FMO5: variants seen among roughly 807,000 people sequenced by gnomAD.
FMO5 encodes the protein flavin containing dimethylaniline monoxygenase 5, also known as flavin-containing monooxygenase 5.
Under a neutral mutation model 43.6 loss-of-function variants are expected in FMO5, and 51 were observed. The observed-to-expected ratio is 1.17, with a 90% CI of 0.93 to 1.48. The LOEUF (loss-of-function observed/expected upper bound fraction) is 1.48, where lower values mean the gene tolerates loss of function less well. Among genes scored for constraint, FMO5 ranks in the 40% most tolerant of loss-of-function variants. The probability of loss-of-function intolerance (pLI) is 0.00; values close to 1 mark genes in which losing one functional copy is unlikely to be tolerated. For missense variants in FMO5, 644 were observed against 643.0 expected, an observed-to-expected ratio of 1.00 and a Z score of -0.02; for synonymous variants, 187 against 216.5, an observed-to-expected ratio of 0.86 and a Z score of 1.20.
At chr1:147,220,182 T>C (rs1662767302) in intron 2 of FMO5, among the ~76,000 whole-genome samples, 1 of 152,172 alleles carries the variant, frequency 6.6e-6, no homozygotes, top group Admixed American at 6.5e-5. Flanking sequence ...AATTTGAAAT[T>C]TTAAAAACTC....
chr1:147,222,072 T>C (rs1285494911), intron 2 of FMO5, among the ~76,000 whole-genome samples: 1 of 152,174 alleles, frequency 6.6e-6, no homozygotes, highest in African/African-American at 2.4e-5. Context: ...GCAGGAAGTC[T>C]GTGTAAGAAA....
intron 6 of FMO5, 196 bp downstream of exon 6, chr1:147,208,656 C>G (rs1660540434): frequency 2.1e-6 from 1 of 473,324 alleles, no homozygotes; most frequent in Non-Finnish European, 3.9e-6. Context: ...CCAGGATGGT[C>G]TCAAACTCCT....
chr1:147,191,534 T>A (rs1656814022), intron 7 of FMO5, among the ~76,000 whole-genome samples: 1 of 143,888 alleles, frequency 6.9e-6, no homozygotes, highest in African/African-American at 2.5e-5. Flanking sequence ...TGGGGTTGTT[T>A]GTTTTTTTCT....
At chr1:147,204,533 T>C in intron 6 of FMO5, 3 of 1,574,930 alleles carry the variant, frequency 1.9e-6, no homozygotes, top group East Asian at 2.2e-5. Flanking sequence ...CTGCAAGCTA[T>C]TTCATAACCT....
At chr1:147,193,811 G>A (rs142542749) in intron 7 of FMO5, among the ~76,000 whole-genome samples, 5,614 of 152,218 alleles carry the variant, frequency 0.037, 155 homozygotes, top group South Asian at 0.095. Flanking sequence ...ATGTAGTTGA[G>A]TGGTTTTGAG....
chr1:147,223,512 C>G (rs1307883419), intron 2 of FMO5: 2 of 152,390 alleles, frequency 1.3e-5, no homozygotes, highest in Non-Finnish European at 2.9e-5. Flanking sequence ...GTTCAGAAAA[C>G]TAGCTTAAAA....
intron 7 of FMO5, among the ~76,000 whole-genome samples, chr1:147,194,840 C>G (rs1657656943): frequency 6.6e-6 from 1 of 152,084 alleles, no homozygotes; most frequent in Non-Finnish European, 1.5e-5. Flanking sequence ...TTGGCCCCCA[C>G]TCTCTTCTGG....
At chr1:147,214,310 G>C (rs1253324853) in intron 3 of FMO5, among the ~76,000 whole-genome samples, 1 of 152,034 alleles carries the variant, frequency 6.6e-6, no homozygotes, top group Non-Finnish European at 1.5e-5. Context: ...AAATTAGTGG[G>C]TGTGGTGGCA....
downstream of FMO5, among the ~76,000 whole-genome samples, chr1:147,186,014 G>A (rs1447226821): frequency 6.6e-6 from 1 of 152,152 alleles, no homozygotes; most frequent in African/African-American, 2.4e-5. Flanking sequence ...CTCCATGTAA[G>A]GGAGGAGAAA....
At chr1:147,209,210 G>A (rs1169089004) in intron 5 of FMO5, among the ~76,000 whole-genome samples, 159 bp from the exon 6 acceptor site, 4 of 152,100 alleles carry the variant, frequency 2.6e-5, no homozygotes, top group Non-Finnish European at 5.9e-5. Flanking sequence ...ACGAGGTCAG[G>A]AGATCGAGAC....
chr1:147,209,307 A>G lies in FMO5; in HGVS notation c.631-256T>C, dbSNP rs781816898. On this transcript the variant is annotated intron_variant, in intron 5 of 8. Coordinates refer to ENST00000254090, the MANE Select transcript of FMO5 (RefSeq NM_001461.4). The stretch of plus-strand genomic sequence containing the variant: ...CAAAAAATTAGCCAGGCGTGGTTGC[A>G]GGTGCCTGTAGTCCCAGCTACTCGG... Among the ~76,000 whole-genome samples, 108 of 151,996 alleles carry G rather than the reference A, an allele frequency of 7.1e-4. 1 individual carries two copies. The highest frequency in any genetic ancestry group is 1.0e-3 in the Non-Finnish European group (68 of 67,972).
At chr1:147,190,031 A>G (rs1229791229) in intron 8 of FMO5, 146 bp downstream of exon 8, 5 of 557,546 alleles carry the variant, frequency 9.0e-6, no homozygotes, top group African/African-American at 7.8e-5. Flanking sequence ...TCTCCATTCT[A>G]TTGTCACAAA....
intron 3 of FMO5, chr1:147,215,079 A>G (rs6593746): frequency 0.044 from 6,697 of 152,238 alleles, 169 homozygotes; most frequent in African/African-American, 0.071. Context: ...TTTTATGGTC[A>G]TGATCAGAAA....
At chr1:147,198,868 A>AG (rs1297766030) in intron 7 of FMO5, among the ~76,000 whole-genome samples, 5,809 of 145,594 alleles carry the variant, frequency 0.04, 104 homozygotes, top group African/African-American at 0.056. Context: ...AAAAAAAAAA[A>AG]AAAAAAAGAA....
At position 147,187,224 on chromosome 1, in the gene FMO5, A is replaced by G; in HGVS notation, c.1278T>C (p.His426=). ...IDKRYVESQR[H]TIQGDYIDTM... ...TATCTATGTAGTCTCCCTGAATGGT[A>G]TGGCGTTGGCTCTCCACATACCTAA... Residue 426 remains histidine (H), a synonymous_variant, in exon 9 of 9, where the codon CAT becomes CAC. Coordinates refer to ENST00000254090, the MANE Select transcript of FMO5 (RefSeq NM_001461.4). The G allele has an allele frequency of 1.2e-6, 2 of 1,611,342 alleles. No individual in the cohort carries two copies. The highest frequency in any genetic ancestry group is 1.7e-6 in the Non-Finnish European group (2 of 1,178,696).
intron 3 of FMO5, among the ~76,000 whole-genome samples, chr1:147,214,460 AAAAAAC>A (rs1172576504): frequency 0.13 from 11 of 84 alleles, no homozygotes; most frequent in East Asian, 0.33. Context: ...GAAAAAAAAC[AAAAAAC>A]AAAAAAAAAA....
At chr1:147,220,791 C>G (rs1207196422) in intron 2 of FMO5, among the ~76,000 whole-genome samples, 2 of 151,960 alleles carry the variant, frequency 1.3e-5, no homozygotes, top group Admixed American at 1.3e-4. Flanking sequence ...ATCCTTGTAA[C>G]AAACTTTCAT....
At chr1:147,185,714 T>C (rs782211699), downstream of FMO5, among the ~76,000 whole-genome samples, 1 of 152,196 alleles carries the variant, frequency 6.6e-6, no homozygotes, top group Non-Finnish European at 1.5e-5. Flanking sequence ...TACAAACATA[T>C]TGTACAACAG....
intron 6 of FMO5, chr1:147,208,434 C>CT (rs1449768137): frequency 1 from 148,526 of 148,612 alleles, 74,220 homozygotes; most frequent in Middle Eastern, 1. Flanking sequence ...GCTTTCTTTT[C>CT]TTTTCTTTTC....
Sources: allele counts gnomAD v4.1 joint callset (sites outside exome capture counted in the v4.1 genomes callset), GRCh38; gene constraint gnomAD v4.1.1; transcripts MANE v1.5; gene names NCBI Gene and HGNC (gene_info 2026-07-23, HGNC 2026-07-21).